The following DNAH12 variants were observed in gnomAD, a reference collection of about 807,000 sequenced individuals.
DNAH12 encodes dynein axonemal heavy chain 12.
Under a neutral mutation model 371.5 loss-of-function variants are expected in DNAH12, and 285 were observed. That is an observed-to-expected ratio of 0.77 (90% CI 0.70 to 0.85). DNAH12 has a LOEUF of 0.85. DNAH12 is among the 40% of genes least tolerant of loss of function. The pLI, the probability that DNAH12 is intolerant of heterozygous loss-of-function variation, is 0.00. For synonymous variants in DNAH12, 1,200 were observed against 1,213.0 expected, an observed-to-expected ratio of 0.99 and a Z score of 0.22; for missense variants, 3,611 against 3,689.4, an observed-to-expected ratio of 0.98 and a Z score of 0.55.
At chr3:57,336,901 T>C (rs1446816105) in intron 60 of DNAH12, among the ~76,000 whole-genome samples, 2 of 151,990 alleles carry the variant, frequency 1.3e-5, no homozygotes, top group Non-Finnish European at 2.9e-5. Flanking sequence ...GAAGCTCAGG[T>C]TATTATCAAT....
At chr3:57,302,529 G>GTTTA (rs879293648) in intron 69 of DNAH12, among the ~76,000 whole-genome samples, 1,478 of 47,842 alleles carry the variant, frequency 0.031, 222 homozygotes, top group African/African-American at 0.051. Flanking sequence ...GGCATCAGGT[G>GTTTA]TATATATATA....
intron 15 of DNAH12, 88 bp downstream of exon 15, chr3:57,471,382 CAT>C (rs2066362575): frequency 8.2e-7 from 1 of 1,222,874 alleles, no homozygotes. Flanking sequence ...AAATAGTAAA[CAT>C]ATTTTTCTAT....
chr3:57,422,824 A>T (rs1192947295), intron 35 of DNAH12, among the ~76,000 whole-genome samples: 1 of 152,192 alleles, frequency 6.6e-6, no homozygotes, highest in East Asian at 1.9e-4. Context: ...TGTTCTTCAG[A>T]AATGGTCTGC....
intron 63 of DNAH12, 50 bp downstream of exon 63, chr3:57,323,419 C>A: frequency 6.7e-7 from 1 of 1,490,356 alleles, no homozygotes. Context: ...CAGTATTGAG[C>A]AAGATGTTTT....
chr3:57,355,247 A>G (rs2062772068), intron 59 of DNAH12, among the ~76,000 whole-genome samples: 1 of 152,180 alleles, frequency 6.6e-6, no homozygotes, highest in Non-Finnish European at 1.5e-5. Context: ...ATGGGATGGA[A>G]GGGATGGTGG....
At chr3:57,354,689 AG>A (rs1366488011) in intron 59 of DNAH12, among the ~76,000 whole-genome samples, 1 of 152,188 alleles carries the variant, frequency 6.6e-6, no homozygotes, top group Non-Finnish European at 1.5e-5. Flanking sequence ...TTTTATTCAT[AG>A]TAACCCCAAA....
intron 66 of DNAH12, among the ~76,000 whole-genome samples, chr3:57,313,380 T>C (rs563803885): frequency 1.3e-5 from 2 of 152,118 alleles, no homozygotes; most frequent in Admixed American, 1.3e-4. Flanking sequence ...GGGCCGGGCA[T>C]AGTGGCTCAC....
At chr3:57,516,100 G>A (rs529667386) in intron 4 of DNAH12, among the ~76,000 whole-genome samples, 10 of 111,592 alleles carry the variant, frequency 9.0e-5, no homozygotes, top group Admixed American at 5.5e-4. Context: ...GTCTCCCTCC[G>A]TCGCCCAGGC....
intron 69 of DNAH12, among the ~76,000 whole-genome samples, chr3:57,305,424 C>A (rs1411092150): frequency 6.6e-6 from 1 of 152,098 alleles, no homozygotes; most frequent in Non-Finnish European, 1.5e-5. Flanking sequence ...CTTTTTATCA[C>A]CTCCCCTCCT....
At chr3:57,436,620 A>G (rs2065133837) in intron 30 of DNAH12, among the ~76,000 whole-genome samples, 1 of 152,358 alleles carries the variant, frequency 6.6e-6, no homozygotes, top group East Asian at 1.9e-4. Flanking sequence ...GCTACCATGC[A>G]TCGTCACCTA....
chr3:57,450,324 A>C (rs1467064526), intron 25 of DNAH12, among the ~76,000 whole-genome samples: 1 of 150,730 alleles, frequency 6.6e-6, no homozygotes, highest in African/African-American at 2.4e-5. Context: ...TGAGGTGGGC[A>C]GATCACCTGA....
At chr3:57,375,551 C>A (rs969247651) in intron 54 of DNAH12, 35 bp from the exon 55 acceptor site, 2 of 151,976 alleles carry the variant, frequency 1.3e-5, no homozygotes, top group Non-Finnish European at 2.9e-5. Context: ...TTTTCCTTCA[C>A]CTTGTTAACT....
At chr3:57,448,369 C>T (rs905839765) in intron 25 of DNAH12, among the ~76,000 whole-genome samples, 6 of 151,862 alleles carry the variant, frequency 4.0e-5, no homozygotes, top group African/African-American at 1.5e-4. Flanking sequence ...CTGGTGGGCT[C>T]GTGCTCTCAC....
chr3:57,465,258 A>G (rs775215866), intron 17 of DNAH12, among the ~76,000 whole-genome samples: 1 of 152,196 alleles, frequency 6.6e-6, no homozygotes, highest in Non-Finnish European at 1.5e-5. Context: ...AAAAATATAT[A>G]TATAGAGAGA....
intron 17 of DNAH12, among the ~76,000 whole-genome samples, chr3:57,467,301 G>A (rs912783308): frequency 6.6e-6 from 1 of 151,938 alleles, no homozygotes; most frequent in African/African-American, 2.4e-5. Context: ...TGTATTTTTA[G>A]TAGAGAGGAT....
chr3:57,548,432 G>C (rs11717177), upstream of DNAH12, among the ~76,000 whole-genome samples: 9,384 of 152,230 alleles, frequency 0.062, 411 homozygotes, highest in Non-Finnish European at 0.093. Context: ...GAAAAGGCCA[G>C]GCTCAGTGGC....
intron 12 of DNAH12, 55 bp downstream of exon 12, chr3:57,489,454 G>A: frequency 7.0e-7 from 1 of 1,424,266 alleles, no homozygotes. Flanking sequence ...AGTTACTTTA[G>A]CAAAATACTT....
At chr3:57,397,338 T>G (rs1190804528) in intron 43 of DNAH12, among the ~76,000 whole-genome samples, 1 of 152,136 alleles carries the variant, frequency 6.6e-6, no homozygotes, top group African/African-American at 2.4e-5. Flanking sequence ...AGACAGTACC[T>G]CAAATTTTTC....
Position 57,458,206 on chromosome 3 carries a change from A to G in DNAH12, c.2946T>C (p.Thr982=). ...GTTTTTCCAATAAACCTGTTAAAGA[A>G]GTGGCAGCAAGAACCTAAACGAGAC... ...CAKDPKVLAA[T]SLTGLLEKLQ... The change falls in exon 21 of 74, where the codon ACT becomes ACC. Residue 982 remains threonine, a synonymous_variant. Coordinates refer to ENST00000495027, the MANE Select transcript of DNAH12 (RefSeq NM_001366028.2). 6.5e-7 allele frequency: 1 copy of G among 1,543,988 alleles called. No homozygotes were observed. Among genetic ancestry groups the G allele is most frequent in the South Asian group, 1.2e-5 (1 of 81,682 alleles).
Sources: allele counts gnomAD v4.1 joint callset (sites outside exome capture counted in the v4.1 genomes callset), GRCh38; gene constraint gnomAD v4.1.1; transcripts MANE v1.5; gene names NCBI Gene and HGNC (gene_info 2026-07-23, HGNC 2026-07-21).